Variants in SEMA5A observed in about 807,000 individuals in gnomAD.
SEMA5A encodes semaphorin 5A, also known as semaphorin-5A.
In SEMA5A, 55 loss-of-function variants were observed where a neutral mutation model predicts 135.5. The observed-to-expected ratio is 0.41, with a 90% CI of 0.33 to 0.51. The LOEUF (loss-of-function observed/expected upper bound fraction) is 0.51, where lower values mean the gene tolerates loss of function less well. Ranked by LOEUF, SEMA5A falls within the 20% of genes least tolerant of loss-of-function variation. SEMA5A has a pLI of 0.37. For missense variants in SEMA5A, 1,290 were observed against 1,419.9 expected (o/e 0.91, Z 1.47); for synonymous variants, 580 against 546.5 (o/e 1.06, Z -0.85).
intron 2 of SEMA5A, among the ~76,000 whole-genome samples, chr5:9,412,708 A>G (rs1757147737): frequency 6.6e-6 from 1 of 151,484 alleles, no homozygotes; most frequent in East Asian, 1.9e-4. Flanking sequence ...CCTTATACGC[A>G]TAGCCTGAAG....
At chr5:9,277,089 C>T (rs779596031) in intron 5 of SEMA5A, among the ~76,000 whole-genome samples, 8 of 152,092 alleles carry the variant, frequency 5.3e-5, no homozygotes, top group Non-Finnish European at 7.4e-5. Context: ...TTTCCAGAAT[C>T]TACAAAGAAC....
rs544006051 is a variant in SEMA5A at position 9,401,076 on chromosome 5, CTTGT to C, written c.-77-21057_-77-21054del. Among the ~76,000 whole-genome samples, 476 of 152,202 alleles carry C rather than the reference CTTGT, an allele frequency of 3.1e-3. 4 individuals carry two copies. Among genetic ancestry groups the C allele is most frequent in the Non-Finnish European group, 3.8e-3 (260 of 68,004 alleles). ...CTAGGTACACATTTCTTCACTCCAA[CTTGT>C]TTATTAAAAATTTCCATTCTTTTCC... On this transcript the variant is annotated intron_variant, in intron 2 of 22. Coordinates refer to ENST00000382496, the MANE Select transcript of SEMA5A (RefSeq NM_003966.3).
chr5:9,385,809 T>TTC (rs1755861390), intron 2 of SEMA5A, among the ~76,000 whole-genome samples: 1 of 149,594 alleles, frequency 6.7e-6, no homozygotes. Flanking sequence ...TTTTTTTTTT[T>TTC]TTTTTGAGAC....
chr5:9,217,344 T>C (rs1249354158), intron 8 of SEMA5A, among the ~76,000 whole-genome samples: 2 of 152,198 alleles, frequency 1.3e-5, no homozygotes, highest in Admixed American at 6.5e-5. Flanking sequence ...TTGTAGGATT[T>C]CAGCTGAGAG....
chr5:9,356,835 G>A (rs1353194241), intron 3 of SEMA5A, among the ~76,000 whole-genome samples: 2 of 152,174 alleles, frequency 1.3e-5, no homozygotes, highest in Non-Finnish European at 2.9e-5. Context: ...TATTGTCTAA[G>A]TAAGAGCTCC....
At chr5:9,475,335 T>C (rs1469549995) in intron 1 of SEMA5A, among the ~76,000 whole-genome samples, 17 of 152,218 alleles carry the variant, frequency 1.1e-4, no homozygotes, top group Admixed American at 1.0e-3. Context: ...TCAAGTTTAA[T>C]TATGTACCAC....
At chr5:9,341,354 C>T (rs1753645361) in intron 3 of SEMA5A, among the ~76,000 whole-genome samples, 2 of 151,844 alleles carry the variant, frequency 1.3e-5, no homozygotes. Context: ...AGCAGGAAAA[C>T]GTCATCAATA....
intron 5 of SEMA5A, among the ~76,000 whole-genome samples, chr5:9,268,040 G>T (rs886098092): frequency 6.6e-6 from 1 of 152,058 alleles, no homozygotes; most frequent in Non-Finnish European, 1.5e-5. Context: ...TTAAAAATTT[G>T]AGCCATGTAA....
chr5:9,156,629 G>A (rs1402050484), intron 11 of SEMA5A, among the ~76,000 whole-genome samples: 2 of 152,218 alleles, frequency 1.3e-5, no homozygotes. Flanking sequence ...TAGAAGTTCA[G>A]GGGTGGGTGG....
chr5:9,410,985 T>A (rs2126603791), intron 2 of SEMA5A, among the ~76,000 whole-genome samples: 1 of 151,420 alleles, frequency 6.6e-6, no homozygotes, highest in Non-Finnish European at 1.5e-5. Flanking sequence ...TCTGGACTTT[T>A]TTTTTTTTTT....
At chr5:9,111,587 T>C (rs545802847) in intron 15 of SEMA5A, among the ~76,000 whole-genome samples, 38 of 152,318 alleles carry the variant, frequency 2.5e-4, no homozygotes, top group Admixed American at 5.2e-4. Context: ...CTTGTTTTTT[T>C]CTCTTTCTCC....
In SEMA5A at chr5:9,393,710, C is replaced by A. The variant is rs181165959; in HGVS notation, c.-77-13687G>T. On this transcript the variant is annotated intron_variant, in intron 2 of 22. Coordinates refer to ENST00000382496, the MANE Select transcript of SEMA5A (RefSeq NM_003966.3). ...AATCTTGTAGGAAAGACACGTCTAACAAACAAATTAGTGTCTTCCTAAAAA... is the reference window on the plus strand; with the variant it reads ...AATCTTGTAGGAAAGACACGTCTAAAAAACAAATTAGTGTCTTCCTAAAAA... Among the ~76,000 whole-genome samples the A allele has an allele frequency of 1.9e-3, 286 of 152,214 alleles. 2 individuals carry two copies. Among genetic ancestry groups the A allele is most frequent in the African/African-American group, 6.8e-3 (282 of 41,538 alleles).
intron 11 of SEMA5A, among the ~76,000 whole-genome samples, chr5:9,160,724 G>T (rs1429219126): frequency 3.3e-5 from 5 of 152,104 alleles, no homozygotes; most frequent in Non-Finnish European, 7.3e-5. Flanking sequence ...AAATGCAGAG[G>T]TAAAACTGGA....
At chr5:9,166,405 T>C (rs1743612169) in intron 11 of SEMA5A, among the ~76,000 whole-genome samples, 1 of 152,174 alleles carries the variant, frequency 6.6e-6, no homozygotes, top group African/African-American at 2.4e-5. Context: ...AGTGCCCAGC[T>C]CACAGGGTCG....
At chr5:9,533,384 G>A (rs970892631) in intron 1 of SEMA5A, among the ~76,000 whole-genome samples, 1 of 152,140 alleles carries the variant, frequency 6.6e-6, no homozygotes, top group African/African-American at 2.4e-5. Context: ...TTTTAAAATA[G>A]ACCTTTCACT....
chr5:9,110,032 G>A (rs529605545), intron 15 of SEMA5A, among the ~76,000 whole-genome samples: 1 of 152,270 alleles, frequency 6.6e-6, no homozygotes, highest in Admixed American at 6.5e-5. Flanking sequence ...AGGCCAAGCT[G>A]AGGGGTGCTG....
intron 5 of SEMA5A, among the ~76,000 whole-genome samples, chr5:9,298,510 G>A (rs1368360088): frequency 6.6e-6 from 1 of 152,304 alleles, no homozygotes; most frequent in South Asian, 2.1e-4. Context: ...ATACACATGC[G>A]TAGAACAGAA....
chr5:9,382,914 G>A (rs1015341714), intron 2 of SEMA5A, among the ~76,000 whole-genome samples: 1 of 152,202 alleles, frequency 6.6e-6, no homozygotes, highest in Non-Finnish European at 1.5e-5. Context: ...AAAACATTCA[G>A]GTTGGGCAGA....
chr5:9,074,904 T>C (rs1561127046), intron 16 of SEMA5A, among the ~76,000 whole-genome samples: 1 of 152,146 alleles, frequency 6.6e-6, no homozygotes, highest in Non-Finnish European at 1.5e-5. Context: ...AATAAACACC[T>C]GGTGCATGTA....
Sources: allele counts gnomAD v4.1 joint callset (sites outside exome capture counted in the v4.1 genomes callset), GRCh38; gene constraint gnomAD v4.1.1; transcripts MANE v1.5; gene names NCBI Gene and HGNC (gene_info 2026-07-23, HGNC 2026-07-21).